POLR2F: variants seen among roughly 807,000 people sequenced by gnomAD.
The protein encoded by POLR2F is RNA polymerase II, I and III subunit F, also known as DNA-directed RNA polymerases I, II, and III subunit RPABC2.
Under a neutral mutation model 22.7 loss-of-function variants are expected in POLR2F, and 12 were observed. That is an observed-to-expected ratio of 0.53 (90% CI 0.34 to 0.86). The LOEUF is 0.86. Ranked by LOEUF, POLR2F falls within the 40% of genes least tolerant of loss-of-function variation. The pLI, the probability that POLR2F is intolerant of heterozygous loss-of-function variation, is 0.02. For synonymous variants in POLR2F, 57 were observed against 66.0 expected (o/e 0.86, Z 0.66); for missense variants, 126 against 171.5 (o/e 0.73, Z 1.48).
downstream of POLR2F, chr22:37,971,194 T>C (rs1381632556): frequency 1.5e-5 from 7 of 468,304 alleles, no homozygotes; most frequent in Non-Finnish European, 3.1e-5. Flanking sequence ...CACAGGCAGG[T>C]GGAGGGGATG....
At chr22:37,966,495 G>A (rs1046101226) in intron 3 of POLR2F, among the ~76,000 whole-genome samples, 7 of 152,062 alleles carry the variant, frequency 4.6e-5, no homozygotes, top group African/African-American at 1.7e-4. Context: ...AAATGATGCC[G>A]GGCATGGTGG....
At position 37,986,525 on chromosome 22, in the gene POLR2F, A is replaced by T; in HGVS notation, c.120+213A>T. 8.4e-7 allele frequency: 1 copy of T among 1,190,022 alleles called. No homozygotes were observed. The highest frequency in any genetic ancestry group is 1.2e-6 in the Non-Finnish European group (1 of 831,660). The allele number at this position is 1,190,022 out of a possible 1,614,324, so 73.7% of individuals were successfully genotyped here. On this transcript the variant is annotated intron_variant, in intron 1 of 2. Coordinates refer to the POLR2F transcript ENST00000333418. The surrounding 1 kb of genome is among the most constrained non-coding windows in gnomAD (Gnocchi z 4.7). ...CTTCCTCCTTTGCCCTCCTTGGTCC[A>T]GCTGTGCCAGGATGGGGGTGGGGGT...
chr22:37,965,016 T>C (rs1931798579), intron 3 of POLR2F, among the ~76,000 whole-genome samples: 1 of 152,188 alleles, frequency 6.6e-6, no homozygotes, highest in Non-Finnish European at 1.5e-5. Context: ...ACTCTGCACT[T>C]GGTAGGTGCA....
chr22:38,031,577 G>A (rs1430169851), downstream of POLR2F, among the ~76,000 whole-genome samples: 1 of 152,114 alleles, frequency 6.6e-6, no homozygotes, highest in Admixed American at 6.6e-5. The surrounding 1 kb of genome is among the most constrained non-coding windows in gnomAD (Gnocchi z 4.1). Context: ...CGCTGTCCAG[G>A]TCCCCACCAG....
chr22:38,005,890 T>C (rs2084816673), intron 1 of POLR2F, among the ~76,000 whole-genome samples: 1 of 152,222 alleles, frequency 6.6e-6, no homozygotes, highest in Non-Finnish European at 1.5e-5. Context: ...TGTTTTTTAT[T>C]GTATGTTACA....
chr22:38,010,884 TGG>T (rs1461216229), intron 1 of POLR2F, among the ~76,000 whole-genome samples: 394 of 152,316 alleles, frequency 2.6e-3, no homozygotes, highest in African/African-American at 8.9e-3. Context: ...CCCAAAGTGC[TGG>T]GATAACAGGC....
rs148447228 is a variant in POLR2F, at chr22:37,953,728, G to T, written c.-60G>T. On this transcript the variant is annotated 5_prime_UTR_variant, in exon 1 of 5. Transcript: ENST00000442738. Reference sequence around the variant, plus strand: ...TAGGAGCCGCGCGAGTCGTAGTGTCGCTGTTTGCGGGTCTCCGCGCGGGAC... The same window carrying T: ...TAGGAGCCGCGCGAGTCGTAGTGTCTCTGTTTGCGGGTCTCCGCGCGGGAC... 1.9e-6 allele frequency: 3 copies of T among 1,583,406 alleles called. No individual in the cohort carries two copies. Among genetic ancestry groups the T allele is most frequent in the Admixed American group, 3.7e-5 (2 of 54,422 alleles).
chr22:38,022,514 G>C (rs2084968320), intron 1 of POLR2F, among the ~76,000 whole-genome samples: 1 of 141,050 alleles, frequency 7.1e-6, no homozygotes, highest in Admixed American at 7.5e-5. Context: ...TTGCGTCACT[G>C]CACTCCAGCC....
At position 37,986,428 on chromosome 22, in the gene POLR2F, T is replaced by C; in HGVS notation, c.120+116T>C. The stretch of plus-strand genomic sequence containing the variant: ...ACCCGCCTGGGGCAGGAGGGGTGGT[T>C]GTGGAAGGAAAGAGCCCAGAGTTAG... On this transcript the variant is annotated intron_variant, in intron 1 of 2. Coordinates refer to the POLR2F transcript ENST00000333418. The surrounding 1 kb of genome is among the most constrained non-coding windows in gnomAD (Gnocchi z 4.7). The C allele has an allele frequency of 6.5e-7, 1 of 1,531,992 alleles. No individual in the cohort carries two copies. The highest frequency in any genetic ancestry group is 8.7e-7 in the Non-Finnish European group (1 of 1,144,890). The allele number at this position is 1,531,992 out of a possible 1,614,324, so 94.9% of individuals were successfully genotyped here.
At chr22:37,972,823 G>A (rs997481646), downstream of POLR2F, 1 of 153,866 alleles carries the variant, frequency 6.5e-6, no homozygotes, top group African/African-American at 2.4e-5. Context: ...GAGGACTGGG[G>A]GCTGTTTCTC....
At position 38,017,987 on chromosome 22, in the gene POLR2F, C is replaced by T. The variant is rs1301220957; in HGVS notation, c.121-7882C>T. Among the ~76,000 whole-genome samples the T allele has an allele frequency of 6.6e-6, 1 of 152,172 alleles. No homozygotes were observed. Among genetic ancestry groups the T allele is most frequent in the Non-Finnish European group, 1.5e-5 (1 of 68,034 alleles). ...TATAATGTGGGCCCTATAACGTGGC[C>T]ATAAGGTGGAACGTTATCCAGATCC... On this transcript the variant is annotated intron_variant, in intron 1 of 2. Coordinates refer to the POLR2F transcript ENST00000333418. The surrounding 1 kb of genome is among the most constrained non-coding windows in gnomAD (Gnocchi z 4.1).
chr22:37,977,979 G>T, intron 4 of POLR2F: 1 of 1,611,926 alleles, frequency 6.2e-7, no homozygotes, highest in Non-Finnish European at 8.5e-7. Flanking sequence ...CACCTTGCTC[G>T]GCCTCCCCAC....
intron 2 of POLR2F, among the ~76,000 whole-genome samples, 178 bp from the exon 3 acceptor site, chr22:37,959,168 C>A (rs1931522117): frequency 6.6e-6 from 1 of 152,140 alleles, no homozygotes; most frequent in Non-Finnish European, 1.5e-5. Context: ...GTAATCCCTG[C>A]CTCATAAGGT....
At chr22:38,006,563 C>T (rs1001850517) in intron 1 of POLR2F, among the ~76,000 whole-genome samples, 2 of 152,214 alleles carry the variant, frequency 1.3e-5, no homozygotes, top group Non-Finnish European at 2.9e-5. Flanking sequence ...TACCTGCTCG[C>T]ACTAGTCCCC....
chr22:38,027,349 GTAGAGGCGTGAAA>G (rs1430065249), downstream of POLR2F, among the ~76,000 whole-genome samples: 6 of 152,150 alleles, frequency 3.9e-5, no homozygotes, highest in African/African-American at 1.4e-4. Flanking sequence ...GGACAAAGGT[GTAGAGGCGTGAAA>G]TGGAGGCGTG....
chr22:38,028,132 C>T (rs1464924355), downstream of POLR2F, among the ~76,000 whole-genome samples: 3 of 152,094 alleles, frequency 2.0e-5, no homozygotes, highest in Admixed American at 1.3e-4. Flanking sequence ...TTTGACATCC[C>T]GCAGCTTGTT....
downstream of POLR2F, among the ~76,000 whole-genome samples, chr22:37,969,808 G>T (rs1156953817): frequency 1.3e-5 from 2 of 152,170 alleles, no homozygotes; most frequent in African/African-American, 4.8e-5. Flanking sequence ...AGCATAGGGT[G>T]TCTAAGAACC....
Position 37,953,724 on chromosome 22 carries a change from T to C in POLR2F, c.-64T>C, listed in dbSNP as rs763288560. 3.6e-5 allele frequency: 57 copies of C among 1,576,956 alleles called. No homozygotes were observed. Among genetic ancestry groups the C allele is most frequent in the Admixed American group, 2.2e-4 (12 of 53,908 alleles). On this transcript the variant is annotated 5_prime_UTR_variant, in exon 1 of 5. Transcript: ENST00000442738. ...AAGCTAGGAGCCGCGCGAGTCGTAG[T>C]GTCGCTGTTTGCGGGTCTCCGCGCG...
At position 37,968,754 on chromosome 22, in the gene POLR2F, A is replaced by AGAG. The variant is rs1398130174; in HGVS notation, c.*1046_*1048dup. 12 of 985,262 alleles carry AGAG rather than the reference A, an allele frequency of 1.2e-5. No individual in the cohort carries two copies. Among genetic ancestry groups the AGAG allele is most frequent in the Non-Finnish European group, 1.4e-5 (12 of 829,890 alleles). 61.0% of individuals were successfully genotyped at this position (985,262 alleles called of 1,614,324 possible). On this transcript the variant is annotated 3_prime_UTR_variant, in exon 5 of 5. Coordinates refer to ENST00000442738, the MANE Select transcript of POLR2F (RefSeq NM_021974.5). ...CATTCCACTGCCAGCTCCCCTTCAA[A>AGAG]GAGGAGGAGCTGGGCTTCCCTAACC...
Sources: allele counts gnomAD v4.1 joint callset (sites outside exome capture counted in the v4.1 genomes callset), GRCh38; gene constraint gnomAD v4.1.1; non-coding constraint Gnocchi (gnomAD v3.1); transcripts MANE v1.5; gene names NCBI Gene and HGNC (gene_info 2026-07-23, HGNC 2026-07-21).